KIF15: variants seen among roughly 807,000 people sequenced by gnomAD.
KIF15 encodes kinesin-like protein KIF15.
KIF15 carries 140 observed loss-of-function variants against 190.6 expected under a neutral mutation model. That is an observed-to-expected ratio of 0.73 (90% CI 0.64 to 0.84). KIF15 has a LOEUF of 0.84. Ranked by LOEUF, KIF15 falls within the 40% of genes least tolerant of loss-of-function variation. The pLI is 0.00. For missense variants in KIF15, 1,372 were observed against 1,584.4 expected, an observed-to-expected ratio of 0.87 and a Z score of 2.28; for synonymous variants, 528 against 551.3, an observed-to-expected ratio of 0.96 and a Z score of 0.59.
At position 44,827,500 on chromosome 3, in the gene KIF15, A is replaced by T. The variant is rs776642542; in HGVS notation, c.2828A>T (p.Gln943Leu). 1 of 1,612,432 alleles carries T rather than the reference A, an allele frequency of 6.2e-7. No homozygotes were observed. Among genetic ancestry groups the T allele is most frequent in the Admixed American group, 1.7e-5 (1 of 59,986 alleles). ...KVLEAVRQEK[Q>L]KETAKCEQQM... ...CTTGAGGCTGTACGTCAGGAGAAACAGAAAGAGACGGCCAAGTGTGAGCAG... is the reference window on the plus strand; with the variant it reads ...CTTGAGGCTGTACGTCAGGAGAAACTGAAAGAGACGGCCAAGTGTGAGCAG... Residue 943 changes from glutamine (Q) to leucine (L), a missense_variant, in exon 23 of 35, where the codon CAG becomes CTG. Transcript: ENST00000326047.
Position 44,829,970 on chromosome 3 carries a change from G to C in KIF15, c.2944-1G>C, listed in dbSNP as rs1697983439. 6.4e-7 allele frequency: 1 copy of C among 1,557,636 alleles called. No individual in the cohort carries two copies. Among genetic ancestry groups the C allele is most frequent in the Admixed American group, 2.1e-5 (1 of 47,776 alleles). On this transcript the variant is annotated splice_acceptor_variant, in intron 24 of 34. Coordinates refer to ENST00000326047, the MANE Select transcript of KIF15 (RefSeq NM_020242.3). LOFTEE classifies it high-confidence loss of function. ...GAAGATATTATTTCTGTCCTCATCAGAAAGTTGTAGCTGACCTCATGAACC... is the reference window on the plus strand; with the variant it reads ...GAAGATATTATTTCTGTCCTCATCACAAAGTTGTAGCTGACCTCATGAACC...
At chr3:44,794,878 C>T (rs1706900059) in intron 8 of KIF15, among the ~76,000 whole-genome samples, 1 of 152,104 alleles carries the variant, frequency 6.6e-6, no homozygotes, top group Non-Finnish European at 1.5e-5. Context: ...AGGAGAATCA[C>T]TTGAACCTGG....
chr3:44,801,212 A>AGG (rs531706083), intron 11 of KIF15, among the ~76,000 whole-genome samples: 3 of 125,186 alleles, frequency 2.4e-5, no homozygotes, highest in African/African-American at 6.0e-5. Flanking sequence ...GGGCGGCGGG[A>AGG]GGGGGGGGTC....
At chr3:44,839,265 G>A (rs1246334089) in intron 27 of KIF15, among the ~76,000 whole-genome samples, 5 of 151,896 alleles carry the variant, frequency 3.3e-5, no homozygotes, top group Non-Finnish European at 7.4e-5. Flanking sequence ...CCAGCTACTC[G>A]GGAAGGCTGA....
intron 21 of KIF15, 43 bp from the exon 22 acceptor site, chr3:44,826,332 C>G: frequency 6.4e-7 from 1 of 1,564,832 alleles, no homozygotes; most frequent in East Asian, 2.2e-5. Flanking sequence ...GTTGACTATG[C>G]ATTGCTAGTA....
At chr3:44,840,551 A>G in intron 28 of KIF15, 95 bp downstream of exon 28, 1 of 773,328 alleles carries the variant, frequency 1.3e-6, no homozygotes. Context: ...TGTCTTTTTA[A>G]AGAAAAAGAT....
At chr3:44,806,602 T>TA (rs763219673) in intron 16 of KIF15, among the ~76,000 whole-genome samples, 7 of 152,202 alleles carry the variant, frequency 4.6e-5, no homozygotes, top group Non-Finnish European at 1.0e-4. Flanking sequence ...TCAGCTTTTG[T>TA]ATCCAATTTT....
chr3:44,826,975 A>G (rs1208174971), intron 22 of KIF15: 1 of 456,150 alleles, frequency 2.2e-6, no homozygotes, highest in Admixed American at 2.4e-5. Context: ...AGTTCTTCCT[A>G]TGAGGTCGCT....
intron 26 of KIF15, among the ~76,000 whole-genome samples, chr3:44,836,244 T>C (rs1698314383): frequency 1.3e-5 from 2 of 152,026 alleles, no homozygotes; most frequent in Admixed American, 1.3e-4. Flanking sequence ...TAATCCCAAC[T>C]ACTCAGGAGG....
chr3:44,817,133 G>A (rs1472245264), intron 20 of KIF15, among the ~76,000 whole-genome samples: 2 of 152,086 alleles, frequency 1.3e-5, no homozygotes, highest in African/African-American at 4.8e-5. Context: ...GTAGATTCTG[G>A]ATATTAGCCC....
intron 5 of KIF15, 69 bp from the exon 6 acceptor site, chr3:44,784,776 G>C: frequency 2.5e-6 from 2 of 798,388 alleles, no homozygotes; most frequent in Non-Finnish European, 4.1e-6. Context: ...TAATTTCTGT[G>C]TAAATTGCCA....
In KIF15 at chr3:44,829,581, T is replaced by C. The variant is rs562885346; in HGVS notation, c.2944-390T>C. On this transcript the variant is annotated intron_variant, in intron 24 of 34. Transcript: ENST00000326047. The stretch of plus-strand genomic sequence containing the variant: ...ATTATATATGTATATATTATATATG[T>C]ATATATTATATATTATATATGCATA... 1.7e-4 allele frequency among the ~76,000 whole-genome samples: 20 copies of C among 117,376 alleles called. No homozygotes were observed. In the East Asian group the frequency reaches 2.9e-3, roughly 17 times the overall value. 77.0% of individuals were successfully genotyped at this position (117,376 alleles called of 152,430 possible). A position where few individuals can be genotyped will look rare whatever the true frequency, so the allele number is the denominator to read the frequency against.
At chr3:44,810,619 T>G (rs1707740926) in intron 16 of KIF15, among the ~76,000 whole-genome samples, 1 of 152,154 alleles carries the variant, frequency 6.6e-6, no homozygotes, top group African/African-American at 2.4e-5. Context: ...AAAATAGATA[T>G]CAGCTCATTA....
chr3:44,774,498 T>A (rs989096055), intron 2 of KIF15, 61 bp downstream of exon 2: 21 of 1,419,014 alleles, frequency 1.5e-5, no homozygotes, highest in Non-Finnish European at 2.0e-5. Context: ...ATTTTTAAAA[T>A]AACCATTTAG....
At chr3:44,791,131 T>G (rs535248862) in intron 7 of KIF15, among the ~76,000 whole-genome samples, 15 of 152,342 alleles carry the variant, frequency 9.8e-5, no homozygotes, top group Non-Finnish European at 4.4e-5. Flanking sequence ...ACCATCTTTC[T>G]TAGTGTGTTT....
rs1353536392 is a variant in KIF15 at position 44,826,411 on chromosome 3, A to G, written c.2737A>G (p.Asn913Asp). The part of the protein sequence containing the change: ...MELLEAEKER[N>D]NKLSLQFEED... ...GCTTCTTGAGGCAGAAAAAGAACGC[A>G]ATAACAAATTATCATTACAGTTTGA... Residue 913 changes from asparagine (N) to aspartate (D), a missense_variant, in exon 22 of 35, where the codon AAT becomes GAT. Asn to Asp is a conservative substitution (Grantham distance 23). Transcript: ENST00000326047. The G allele has an allele frequency of 6.2e-7, 1 of 1,613,334 alleles. No individual in the cohort carries two copies. Among genetic ancestry groups the G allele is most frequent in the Non-Finnish European group, 8.5e-7 (1 of 1,179,646 alleles).
At chr3:44,765,298 TA>T (rs1264524289) in intron 1 of KIF15, among the ~76,000 whole-genome samples, 1 of 152,244 alleles carries the variant, frequency 6.6e-6, no homozygotes, top group Admixed American at 6.5e-5. Flanking sequence ...TCTGATCAGT[TA>T]CAGAGATCTC....
At chr3:44,810,131 A>G (rs1215382829) in intron 16 of KIF15, among the ~76,000 whole-genome samples, 2 of 152,224 alleles carry the variant, frequency 1.3e-5, no homozygotes, top group Admixed American at 6.5e-5. Context: ...TTGAATGTAC[A>G]TAAGCTAATG....
At chr3:44,867,001 A>G (rs567864086) in intron 6 of KIF15, among the ~76,000 whole-genome samples, 1 of 152,348 alleles carries the variant, frequency 6.6e-6, no homozygotes, top group South Asian at 2.1e-4. Context: ...CAAAGCTGTA[A>G]TTCACAGAAT....
Sources: gnomAD v4.1 joint callset for allele counts (sites outside exome capture counted in the v4.1 genomes callset) on GRCh38, gnomAD v4.1.1 for gene constraint, MANE v1.5 for transcripts, NCBI Gene and HGNC (gene_info 2026-07-23, HGNC 2026-07-21) for gene names.